Variants in BTBD9 observed in about 807,000 individuals in gnomAD.
BTBD9 encodes the protein BTB/POZ domain-containing protein 9.
A neutral mutation model predicts 64.3 loss-of-function variants in BTBD9; 49 were observed. That is an observed-to-expected ratio of 0.76 (90% confidence interval 0.61 to 0.97). The LOEUF is 0.97. Ranked by LOEUF, BTBD9 falls within the 50% of genes least tolerant of loss-of-function variation. The probability of loss-of-function intolerance (pLI) is 0.00; values close to 1 mark genes in which losing one functional copy is unlikely to be tolerated. For synonymous variants in BTBD9, 260 were observed against 274.7 expected, an observed-to-expected ratio of 0.95 and a Z score of 0.53; for missense variants, 598 against 762.1, an observed-to-expected ratio of 0.78 and a Z score of 2.53.
chr6:38,372,057 C>T (rs536924670), intron 6 of BTBD9, among the ~76,000 whole-genome samples: 17 of 152,082 alleles, frequency 1.1e-4, no homozygotes, highest in Non-Finnish European at 2.4e-4. Flanking sequence ...TGTCCTCCTC[C>T]CACCACTCCT....
In BTBD9 at chr6:38,304,495, G is replaced by A. The variant is rs767188248; in HGVS notation, c.1265-16034C>T. ...CGGGAGGCAGAAGTTGCAATGGGCT[G>A]AGACCATGCCAATACACTCCAGCCT... On this transcript the variant is annotated intron_variant, in intron 7 of 10. Transcript: ENST00000481247. 1.2e-4 allele frequency among the ~76,000 whole-genome samples: 18 copies of A among 151,448 alleles called. 1 individual carries two copies. In the East Asian group the frequency reaches 1.4e-3, roughly 11 times the overall value.
chr6:38,463,968 G>T (rs1294850455), intron 6 of BTBD9, among the ~76,000 whole-genome samples: 1 of 152,144 alleles, frequency 6.6e-6, no homozygotes, highest in Non-Finnish European at 1.5e-5. Flanking sequence ...AGATGCAGGG[G>T]TTGCAGTGAG....
intron 6 of BTBD9, among the ~76,000 whole-genome samples, chr6:38,532,835 T>C (rs968640226): frequency 2.6e-5 from 4 of 151,686 alleles, no homozygotes; most frequent in African/African-American, 9.7e-5. Flanking sequence ...TCCCCAGCTG[T>C]GGTGGCTACA....
At chr6:38,383,149 T>C (rs2127616325) in intron 6 of BTBD9, among the ~76,000 whole-genome samples, 1 of 152,262 alleles carries the variant, frequency 6.6e-6, no homozygotes, top group East Asian at 1.9e-4. Flanking sequence ...AATTCAATGA[T>C]ACATAAATAA....
intron 7 of BTBD9, among the ~76,000 whole-genome samples, chr6:38,311,492 T>G (rs1477174813): frequency 6.6e-6 from 1 of 152,242 alleles, no homozygotes; most frequent in Non-Finnish European, 1.5e-5. Flanking sequence ...GATGGAGACT[T>G]AACGTTGCTT....
chr6:38,531,349 T>A (rs1323199073), intron 6 of BTBD9, among the ~76,000 whole-genome samples: 1 of 152,156 alleles, frequency 6.6e-6, no homozygotes, highest in Non-Finnish European at 1.5e-5. Context: ...AGCAAAAATA[T>A]CATTCAAACA....
In BTBD9 at chr6:38,406,329, G is replaced by T. The variant is rs143691708; in HGVS notation, c.1155-61236C>A. On this transcript the variant is annotated intron_variant, in intron 6 of 10. Coordinates refer to ENST00000481247, the MANE Select transcript of BTBD9 (RefSeq NM_001099272.2). ...GTTGAGATTTTGATCTAAAGCCCGA[G>T]AATTGATTGTGTGTGTGTTTTTTTA... 6.6e-5 allele frequency among the ~76,000 whole-genome samples: 10 copies of T among 152,266 alleles called. No homozygotes were observed. In the East Asian group the frequency reaches 1.9e-3, roughly 29 times the overall value.
chr6:38,329,341 G>A (rs1352528892), intron 7 of BTBD9, among the ~76,000 whole-genome samples: 1 of 68,048 alleles, frequency 1.5e-5, no homozygotes, highest in South Asian at 4.4e-4. Context: ...TTTTTTTTTT[G>A]AGACAGAATC....
chr6:38,572,843 T>C (rs561837513), intron 6 of BTBD9, among the ~76,000 whole-genome samples: 149 of 151,056 alleles, frequency 9.9e-4, no homozygotes, highest in African/African-American at 3.5e-3. Context: ...GAGTGAGGAA[T>C]AATCTTCTAA....
chr6:38,545,778 C>CA lies in BTBD9; in HGVS notation c.1154+31821dup, dbSNP rs1224870392. 4.0e-3 allele frequency among the ~76,000 whole-genome samples: 276 copies of CA among 68,856 alleles called. 4 individuals carry two copies. Among genetic ancestry groups the CA allele is most frequent in the Middle Eastern group, 0.02 (2 of 98 alleles). The allele number at this position is 68,856 out of a possible 152,430, so 45.2% of individuals were successfully genotyped here. The stretch of plus-strand genomic sequence containing the variant: ...TGGGTGACAGAGTGAGACTCCGTCT[C>CA]AAAAAAAAAAAAAAAAAAAAGAATG... On this transcript the variant is annotated intron_variant, in intron 6 of 10. Coordinates refer to ENST00000481247, the MANE Select transcript of BTBD9 (RefSeq NM_001099272.2).
intron 8 of BTBD9, among the ~76,000 whole-genome samples, chr6:38,259,902 G>A (rs1345180907): frequency 6.6e-6 from 1 of 152,118 alleles, no homozygotes; most frequent in African/African-American, 2.4e-5. Flanking sequence ...ATTCCACTCT[G>A]TTGTTCTTAA....
rs1561976573 is a variant in BTBD9 at position 38,288,318 on chromosome 6, C to T, written c.1408G>A (p.Ala470Thr). The T allele has an allele frequency of 1.2e-6, 2 of 1,614,108 alleles. No individual in the cohort carries two copies. Among genetic ancestry groups the T allele is most frequent in the Non-Finnish European group, 1.7e-6 (2 of 1,179,986 alleles). Reference protein sequence around the residue: ...GYTCHQLGSGAIVVQLAQPYM... With the variant: ...GYTCHQLGSGTIVVQLAQPYM... ...GGTTGTGCCAACTGAACCACAATCG[C>T]ACCACTTCCTAGCTGGTGACATGTG... Residue 470 changes from alanine to threonine, a missense_variant, in exon 8 of 11, where the codon GCG becomes ACG. Coordinates refer to ENST00000481247, the MANE Select transcript of BTBD9 (RefSeq NM_001099272.2).
intron 7 of BTBD9, 58 bp from the exon 8 acceptor site, chr6:38,288,519 T>G: frequency 7.1e-7 from 1 of 1,415,060 alleles, no homozygotes; most frequent in South Asian, 1.2e-5. Flanking sequence ...TATATCTCTA[T>G]AGTGTGCTCA....
rs1440537959 is a variant in BTBD9, at chr6:38,169,593, A to AGGGCCT, written c.*5386_*5391dup. ...GCAACGCCTCCTCTGCGCCAGGGCCAGGGCCTCTCCCCCTAGTGGAGCGAC... is the reference window on the plus strand; with the variant it reads ...GCAACGCCTCCTCTGCGCCAGGGCCAGGGCCTGGGCCTCTCCCCCTAGTGGAGCGAC... On this transcript the variant is annotated 3_prime_UTR_variant, in exon 11 of 11. Coordinates refer to ENST00000481247, the MANE Select transcript of BTBD9 (RefSeq NM_001099272.2). The AGGGCCT allele has an allele frequency of 6.6e-6, 1 of 152,358 alleles. No individual in the cohort carries two copies. Among genetic ancestry groups the AGGGCCT allele is most frequent in the African/African-American group, 2.4e-5 (1 of 41,422 alleles). The allele number at this position is 152,358 out of a possible 1,614,324, so 9.4% of individuals were successfully genotyped here. A position where few individuals can be genotyped will look rare whatever the true frequency, so the allele number is the denominator to read the frequency against.
chr6:38,475,046 G>A (rs191668768), intron 6 of BTBD9, among the ~76,000 whole-genome samples: 19 of 152,128 alleles, frequency 1.2e-4, no homozygotes, highest in Non-Finnish European at 8.8e-5. Flanking sequence ...TACACCCCTC[G>A]AAAATGTTTT....
chr6:38,428,233 T>G (rs1034591926), intron 6 of BTBD9, among the ~76,000 whole-genome samples: 1 of 151,888 alleles, frequency 6.6e-6, no homozygotes, highest in African/African-American at 2.4e-5. Context: ...AAGTTTGAAG[T>G]GGTCACTCAT....
At chr6:38,191,510 G>A (rs1247065693) in intron 10 of BTBD9, among the ~76,000 whole-genome samples, 1 of 152,210 alleles carries the variant, frequency 6.6e-6, no homozygotes, top group Non-Finnish European at 1.5e-5. Flanking sequence ...GCTCCCTCGG[G>A]CACAGGGACA....
intron 9 of BTBD9, among the ~76,000 whole-genome samples, chr6:38,230,748 T>C (rs970622931): frequency 2.6e-5 from 4 of 152,136 alleles, no homozygotes; most frequent in Non-Finnish European, 5.9e-5. Flanking sequence ...TTCAGGGCCT[T>C]AACTATTCCT....
At chr6:38,509,418 T>A (rs1772681882) in intron 6 of BTBD9, among the ~76,000 whole-genome samples, 1 of 152,178 alleles carries the variant, frequency 6.6e-6, no homozygotes, top group African/African-American at 2.4e-5. Flanking sequence ...TCAGTACAAA[T>A]CAGCTGTCAC....
Sources: gnomAD v4.1 joint callset for allele counts (sites outside exome capture counted in the v4.1 genomes callset) on GRCh38, gnomAD v4.1.1 for gene constraint, MANE v1.5 for transcripts, NCBI Gene and HGNC (gene_info 2026-07-23, HGNC 2026-07-21) for gene names.